NAV2: variants seen among roughly 807,000 people sequenced by gnomAD.
NAV2 encodes neuron navigator 2.
A neutral mutation model predicts 223.2 loss-of-function variants in NAV2; 54 were observed. The ratio of observed to expected loss-of-function variants is 0.24; its 90% confidence interval spans 0.19 to 0.30. NAV2 has a LOEUF of 0.30. Ranked by LOEUF, NAV2 falls within the 10% of genes least tolerant of loss-of-function variation. NAV2 has a pLI of 1.00. For synonymous variants in NAV2, 1,279 were observed against 1,239.3 expected (o/e 1.03, Z -0.67); for missense variants, 2,806 against 3,147.5 (o/e 0.89, Z 2.60).
At chr11:19,617,438 G>C (rs1336357448) in intron 1 of NAV2, among the ~76,000 whole-genome samples, 1 of 152,108 alleles carries the variant, frequency 6.6e-6, no homozygotes, top group African/African-American at 2.4e-5. Context: ...CTGGTAATGG[G>C]GGGATAACAG....
chr11:20,071,618 G>A (rs1179789558), intron 22 of NAV2, among the ~76,000 whole-genome samples: 1 of 140,366 alleles, frequency 7.1e-6, no homozygotes, highest in African/African-American at 2.9e-5. Flanking sequence ...ATCCTCTCCA[G>A]CATCTGTTGT....
At chr11:20,050,586 A>G (rs1476899914) in intron 16 of NAV2, among the ~76,000 whole-genome samples, 1 of 151,932 alleles carries the variant, frequency 6.6e-6, no homozygotes, top group Non-Finnish European at 1.5e-5. Flanking sequence ...AAAAAAAAAA[A>G]AAAAACCTTC....
intron 17 of NAV2, among the ~76,000 whole-genome samples, chr11:20,052,683 G>A (rs2058087597): frequency 6.6e-6 from 1 of 152,172 alleles, no homozygotes; most frequent in Non-Finnish European, 1.5e-5. Flanking sequence ...GGCAATTGAT[G>A]TGTCCTGGAA....
intron 1 of NAV2, among the ~76,000 whole-genome samples, chr11:19,535,198 A>T (rs1272582708): frequency 6.6e-6 from 1 of 152,144 alleles, no homozygotes; most frequent in Non-Finnish European, 1.5e-5. Context: ...GGAACCAGGG[A>T]AAACAGGAAG....
chr11:19,380,931 C>T (rs1268832806), intron 1 of NAV2, among the ~76,000 whole-genome samples: 2 of 152,162 alleles, frequency 1.3e-5, no homozygotes, highest in Non-Finnish European at 2.9e-5. Context: ...ATGACTATGA[C>T]CTAGGTCCTC....
chr11:20,054,650 G>A (rs1394874607), intron 18 of NAV2, among the ~76,000 whole-genome samples: 1 of 152,156 alleles, frequency 6.6e-6, no homozygotes, highest in African/African-American at 2.4e-5. Context: ...TGAAGAAATA[G>A]ATTTTATCGC....
intron 1 of NAV2, among the ~76,000 whole-genome samples, chr11:19,594,576 T>A (rs1405191227): frequency 1.3e-5 from 2 of 152,090 alleles, no homozygotes; most frequent in Non-Finnish European, 2.9e-5. Flanking sequence ...TAGTGAATAG[T>A]GCAGGAATTG....
intron 8 of NAV2, among the ~76,000 whole-genome samples, chr11:19,944,976 TCTTTCC>T (rs1042065470): frequency 7.0e-6 from 1 of 142,882 alleles, no homozygotes. Context: ...CCGTTCCTTT[TCTTTCC>T]CTTTCCCTTT....
At chr11:19,997,552 A>G (rs756774611) in intron 11 of NAV2, among the ~76,000 whole-genome samples, 8 of 152,158 alleles carry the variant, frequency 5.3e-5, no homozygotes, top group Non-Finnish European at 1.0e-4. Context: ...TAGGTACTCT[A>G]CATACTAGCT....
intron 1 of NAV2, among the ~76,000 whole-genome samples, chr11:19,626,568 GTCAT>G (rs2047177604): frequency 6.6e-6 from 1 of 152,176 alleles, no homozygotes; most frequent in Non-Finnish European, 1.5e-5. Context: ...TGTGAAGAAT[GTCAT>G]TGGTATTTTG....
chr11:20,016,361 G>A (rs1343502968), intron 11 of NAV2, among the ~76,000 whole-genome samples: 1 of 152,182 alleles, frequency 6.6e-6, no homozygotes, highest in Non-Finnish European at 1.5e-5. Flanking sequence ...ATTTAGAATG[G>A]GAAGGGCATA....
intron 1 of NAV2, among the ~76,000 whole-genome samples, chr11:19,820,541 A>G (rs1455147861): frequency 6.6e-6 from 1 of 152,130 alleles, no homozygotes; most frequent in African/African-American, 2.4e-5. Flanking sequence ...CCTCACTTGG[A>G]CTTATTTGAT....
intron 1 of NAV2, among the ~76,000 whole-genome samples, chr11:19,650,447 C>T (rs1361036704): frequency 6.6e-6 from 1 of 152,132 alleles, no homozygotes; most frequent in African/African-American, 2.4e-5. Context: ...GGACTTATAG[C>T]CCCTAGAACT....
chr11:19,523,758 A>G (rs966601724), intron 1 of NAV2, among the ~76,000 whole-genome samples: 2 of 152,212 alleles, frequency 1.3e-5, no homozygotes, highest in African/African-American at 4.8e-5. Flanking sequence ...CACCATCTGC[A>G]CCCCACCTTC....
At chr11:19,750,793 A>G (rs528226271) in intron 1 of NAV2, among the ~76,000 whole-genome samples, 18 of 152,342 alleles carry the variant, frequency 1.2e-4, no homozygotes, top group Admixed American at 1.2e-3. Flanking sequence ...ATTCATTTCT[A>G]TACACAAATG....
intron 1 of NAV2, among the ~76,000 whole-genome samples, chr11:19,472,121 G>C (rs1444469017): frequency 1.3e-5 from 2 of 152,178 alleles, no homozygotes; most frequent in Admixed American, 1.3e-4. Flanking sequence ...GTCTCAGTTT[G>C]TTCATCTGTA....
At position 19,631,621 on chromosome 11, in the gene NAV2, C is replaced by T. The variant is rs1477562805; in HGVS notation, c.76-200863C>T. Among the ~76,000 whole-genome samples, 3 of 152,330 alleles carry T rather than the reference C, an allele frequency of 2.0e-5. No homozygotes were observed. The East Asian group carries it at 5.8e-4, about 29-fold the overall frequency. ...TACTTTCTCATCTAGCTAAAGGGAA[C>T]TCTCACAGCACTTCACTCTCAGTGT... On this transcript the variant is annotated intron_variant, in intron 1 of 37. Transcript: ENST00000360655.
At chr11:20,018,195 A>G (rs1467977533) in intron 11 of NAV2, among the ~76,000 whole-genome samples, 1 of 152,006 alleles carries the variant, frequency 6.6e-6, no homozygotes, top group Non-Finnish European at 1.5e-5. Flanking sequence ...CTCTACTAAA[A>G]ATACAAAAAT....
At chr11:19,664,539 G>A (rs1015615194) in intron 1 of NAV2, among the ~76,000 whole-genome samples, 10 of 152,178 alleles carry the variant, frequency 6.6e-5, no homozygotes, top group African/African-American at 2.2e-4. Context: ...AGCCAATATG[G>A]TGGTAACAGG....
Sources: allele counts gnomAD v4.1 joint callset (sites outside exome capture counted in the v4.1 genomes callset), GRCh38; gene constraint gnomAD v4.1.1; transcripts MANE v1.5; gene names NCBI Gene and HGNC (gene_info 2026-07-23, HGNC 2026-07-21).